Variants in SPOPL observed in about 807,000 individuals in gnomAD.
SPOPL encodes the protein speckle-type POZ protein-like.
A neutral mutation model predicts 53.8 loss-of-function variants in SPOPL; 23 were observed. The ratio of observed to expected loss-of-function variants is 0.43; its 90% CI spans 0.31 to 0.61. SPOPL has a LOEUF of 0.61. Among genes scored for constraint, SPOPL ranks in the 20% least tolerant of loss-of-function variants. The pLI, the probability that SPOPL is intolerant of heterozygous loss-of-function variation, is 0.12. For missense variants in SPOPL, 442 were observed against 466.9 expected, an observed-to-expected ratio of 0.95 and a Z score of 0.49; for synonymous variants, 164 against 149.7, an observed-to-expected ratio of 1.10 and a Z score of -0.70.
intron 1 of SPOPL, among the ~76,000 whole-genome samples, chr2:138,540,353 C>T (rs1358043411): frequency 9.2e-5 from 14 of 152,158 alleles, no homozygotes; most frequent in Admixed American, 3.9e-4. Context: ...GCCATTTTCA[C>T]GATACTGATT....
chr2:138,544,852 GT>G (rs1685156979), intron 1 of SPOPL, among the ~76,000 whole-genome samples: 1 of 152,180 alleles, frequency 6.6e-6, no homozygotes, highest in South Asian at 2.1e-4. Flanking sequence ...GACTGGAGCT[GT>G]TCCTATTCAG....
intron 10 of SPOPL, among the ~76,000 whole-genome samples, chr2:138,565,646 G>A (rs1685644394): frequency 6.6e-6 from 1 of 151,988 alleles, no homozygotes; most frequent in African/African-American, 2.4e-5. Flanking sequence ...ATAGGTTGAA[G>A]TGTTTGCATC....
chr2:138,531,048 A>G (rs1684795798), intron 1 of SPOPL, among the ~76,000 whole-genome samples: 2 of 152,076 alleles, frequency 1.3e-5, no homozygotes, highest in South Asian at 4.1e-4. Flanking sequence ...TTCTGCAACT[A>G]TCAAAGTGAT....
intron 1 of SPOPL, among the ~76,000 whole-genome samples, chr2:138,530,768 C>T (rs766892467): frequency 6.6e-5 from 10 of 151,964 alleles, no homozygotes; most frequent in Non-Finnish European, 1.3e-4. Context: ...GAATAGTGAC[C>T]GTTTTCTTTA....
chr2:138,559,289 T>C lies in SPOPL; in HGVS notation c.666T>C (p.Ser222=). Residue 222 remains serine (S), a synonymous_variant, in exon 7 of 11, where the codon TCT becomes TCC. Coordinates refer to ENST00000280098, the MANE Select transcript of SPOPL (RefSeq NM_001001664.3). ...KAHKSVLAAR[S]PVFNAMFEHE... ...TACATAATCTTGTTACAGCTCGATCTCCAGTTTTTAACGCCATGTTTGAAC... is the reference window on the plus strand; with the variant it reads ...TACATAATCTTGTTACAGCTCGATCCCCAGTTTTTAACGCCATGTTTGAAC... 1 of 1,613,022 alleles carries C rather than the reference T, an allele frequency of 6.2e-7. No individual in the cohort carries two copies. Among genetic ancestry groups the C allele is most frequent in the East Asian group, 2.2e-5 (1 of 44,790 alleles).
rs1412379388 is a variant in SPOPL, at chr2:138,564,859, T to G, written c.980+9T>G. ...ATAGACTTTATTAATAGGTAAGCTA[T>G]GCTTGTATTTCAGTGGGCATGACAA... On this transcript the variant is annotated intron_variant, in intron 9 of 10. Coordinates refer to ENST00000280098, the MANE Select transcript of SPOPL (RefSeq NM_001001664.3). The G allele has an allele frequency of 4.3e-6, 7 of 1,613,944 alleles. No homozygotes were observed. The highest frequency in any genetic ancestry group is 5.9e-6 in the Non-Finnish European group (7 of 1,179,918).
chr2:138,505,594 TAAA>T (rs1169614974), intron 1 of SPOPL, among the ~76,000 whole-genome samples: 4 of 75,084 alleles, frequency 5.3e-5, no homozygotes, highest in East Asian at 8.7e-4. Context: ...GTGTCTCTTC[TAAA>T]AAAAAAAAAA....
chr2:138,538,665 A>T (rs1684990822), intron 1 of SPOPL, among the ~76,000 whole-genome samples: 1 of 151,214 alleles, frequency 6.6e-6, no homozygotes, highest in South Asian at 2.1e-4. Flanking sequence ...TAGCCAGGCC[A>T]TTTGCAACTC....
At chr2:138,560,352 A>G (rs1558880357) in intron 7 of SPOPL, among the ~76,000 whole-genome samples, 1 of 152,200 alleles carries the variant, frequency 6.6e-6, no homozygotes, top group Non-Finnish European at 1.5e-5. Context: ...TAGGGATTCA[A>G]CAAAGAAAGG....
At position 138,536,781 on chromosome 2, in the gene SPOPL, G is replaced by A. The variant is rs182892648; in HGVS notation, c.-60-13376G>A. ...CATGCTTGCCTGTTTCCTTGCAAAT[G>A]AACTTCTTTTCTCTGGGAAGAGATT... On this transcript the variant is annotated intron_variant, in intron 1 of 10. Coordinates refer to ENST00000280098, the MANE Select transcript of SPOPL (RefSeq NM_001001664.3). 8.5e-4 allele frequency among the ~76,000 whole-genome samples: 130 copies of A among 152,204 alleles called. 1 individual carries two copies. In the Middle Eastern group the frequency reaches 0.014, roughly 16 times the overall value.
chr2:138,554,338 A>T, intron 5 of SPOPL: 1 of 456,200 alleles, frequency 2.2e-6, no homozygotes. Context: ...TACCCTGGGC[A>T]CCGTATTTAG....
chr2:138,562,844 A>T (rs1002921933), intron 8 of SPOPL, among the ~76,000 whole-genome samples: 1 of 151,828 alleles, frequency 6.6e-6, no homozygotes. Flanking sequence ...CTAAACCTCT[A>T]AAAGAAAACA....
intron 1 of SPOPL, among the ~76,000 whole-genome samples, chr2:138,503,393 A>C (rs77808978): frequency 0.043 from 6,537 of 152,298 alleles, 231 homozygotes; most frequent in South Asian, 0.11. Context: ...AGTACTTAAA[A>C]CAGTACCTGG....
intron 10 of SPOPL, among the ~76,000 whole-genome samples, chr2:138,567,550 C>T (rs1685690904): frequency 6.6e-6 from 1 of 151,936 alleles, no homozygotes; most frequent in Non-Finnish European, 1.5e-5. Flanking sequence ...AGTAGGTGTC[C>T]AGTAAAGGGT....
At chr2:138,525,566 C>G (rs960182118) in intron 1 of SPOPL, among the ~76,000 whole-genome samples, 1 of 149,864 alleles carries the variant, frequency 6.7e-6, no homozygotes, top group African/African-American at 2.5e-5. Context: ...ACCTGTAATC[C>G]CAGCACTTTG....
At chr2:138,539,469 G>C (rs2104880829) in intron 1 of SPOPL, among the ~76,000 whole-genome samples, 1 of 152,154 alleles carries the variant, frequency 6.6e-6, no homozygotes, top group African/African-American at 2.4e-5. Context: ...GTATCTCATT[G>C]TGGTTTTGAT....
chr2:138,505,311 G>A (rs1684190716), intron 1 of SPOPL, among the ~76,000 whole-genome samples: 1 of 152,068 alleles, frequency 6.6e-6, no homozygotes, highest in Non-Finnish European at 1.5e-5. Flanking sequence ...ACATTTAGTG[G>A]TCATGCTCAC....
intron 1 of SPOPL, among the ~76,000 whole-genome samples, chr2:138,512,641 G>A (rs181273479): frequency 2.0e-5 from 3 of 152,038 alleles, no homozygotes; most frequent in East Asian, 3.9e-4. Flanking sequence ...TAATATTTTC[G>A]TATACCCTGA....
At chr2:138,519,831 T>G (rs578097599) in intron 1 of SPOPL, among the ~76,000 whole-genome samples, 1 of 152,246 alleles carries the variant, frequency 6.6e-6, no homozygotes, top group South Asian at 2.1e-4. Flanking sequence ...AAGTAAAGTT[T>G]TAATGTGTAA....
Sources: gnomAD v4.1 joint callset for allele counts (sites outside exome capture counted in the v4.1 genomes callset) on GRCh38, gnomAD v4.1.1 for gene constraint, MANE v1.5 for transcripts, NCBI Gene and HGNC (gene_info 2026-07-23, HGNC 2026-07-21) for gene names.